The following TIAM2 variants were observed in gnomAD, a reference collection of about 807,000 sequenced individuals.
TIAM2 encodes TIAM Rac1 associated GEF 2.
A neutral mutation model predicts 152.9 loss-of-function variants in TIAM2; 80 were observed. The ratio of observed to expected loss-of-function variants is 0.52; its 90% confidence interval spans 0.44 to 0.63. The LOEUF is 0.63. TIAM2 is among the 30% of genes least tolerant of loss of function. The probability of loss-of-function intolerance (pLI) is 0.00; values close to 1 mark genes in which losing one functional copy is unlikely to be tolerated. For missense variants in TIAM2, 1,965 were observed against 2,120.1 expected (o/e 0.93, Z 1.44); for synonymous variants, 804 against 838.0 (o/e 0.96, Z 0.70).
intron 15 of TIAM2, among the ~76,000 whole-genome samples, chr6:155,228,472 T>G (rs949032658): frequency 6.6e-6 from 1 of 152,184 alleles, no homozygotes; most frequent in Non-Finnish European, 1.5e-5. Flanking sequence ...TGGCTGGGCA[T>G]GATGGCTCAT....
chr6:155,085,726 C>A (rs982636670), intron 1 of TIAM2, among the ~76,000 whole-genome samples: 5 of 152,196 alleles, frequency 3.3e-5, no homozygotes, highest in Non-Finnish European at 7.3e-5. Flanking sequence ...ATTAAAATTA[C>A]ACTGATGTCA....
intron 14 of TIAM2, among the ~76,000 whole-genome samples, chr6:155,187,870 G>A (rs1353213541): frequency 2.0e-5 from 3 of 152,090 alleles, no homozygotes. Context: ...GAGTCACTGT[G>A]CTCGGCCGCA....
chr6:155,137,281 G>A lies in TIAM2; in HGVS notation c.1299G>A (p.Gly433=). The stretch of plus-strand genomic sequence containing the variant: ...AGGCATCTGCTTTTCTGTGGTCAGG[G>A]GGCTCTACTCAGATCCTGTCTCAGA... The part of the protein sequence containing the change: ...SSQASAFLWS[G]GSTQILSQRS... The change falls in exon 5 of 27, where the codon GGG becomes GGA. Residue 433 remains glycine (G), a synonymous_variant. Transcript: ENST00000682666. 5 of 1,614,200 alleles carry A rather than the reference G, an allele frequency of 3.1e-6. No homozygotes were observed. Among genetic ancestry groups the A allele is most frequent in the Non-Finnish European group, 4.2e-6 (5 of 1,180,046 alleles).
intron 9 of TIAM2, among the ~76,000 whole-genome samples, chr6:155,166,480 T>C (rs1426692806): frequency 1.3e-5 from 2 of 152,064 alleles, no homozygotes; most frequent in African/African-American, 2.4e-5. Context: ...CACACCACCA[T>C]GCCTGGCTAA....
intron 14 of TIAM2, among the ~76,000 whole-genome samples, chr6:155,198,971 T>C (rs1258548133): frequency 2.0e-5 from 3 of 152,174 alleles, no homozygotes; most frequent in Admixed American, 6.5e-5. Context: ...GGCTCACGTC[T>C]GTGCTGCTCT....
In TIAM2 at chr6:155,104,736, A is replaced by C. The variant is rs540090203; in HGVS notation, c.-118+14357A>C. ...CGTGCCTCTGCACTCCAGCCTGGGC[A>C]ACAGAGAGAGACTCTGTCTCAAAAA... On this transcript the variant is annotated intron_variant, in intron 2 of 26. Transcript: ENST00000682666. Among the ~76,000 whole-genome samples, 8 of 149,786 alleles carry C rather than the reference A, an allele frequency of 5.3e-5. No homozygotes were observed. In the East Asian group the frequency reaches 7.8e-4, roughly 15 times the overall value.
chr6:155,148,094 C>A lies in TIAM2; in HGVS notation c.1804-16C>A, dbSNP rs527797532. ...TAAAATGATTCGAAACAGGCTTTCTCCCTCCCTGTGTGTAGGCCACCAGCC... is the reference window on the plus strand; with the variant it reads ...TAAAATGATTCGAAACAGGCTTTCTACCTCCCTGTGTGTAGGCCACCAGCC... On this transcript the variant is annotated splice_polypyrimidine_tract_variant and intron_variant, in intron 6 of 26. Transcript: ENST00000682666. The A allele has an allele frequency of 1.2e-6, 2 of 1,612,870 alleles. No homozygotes were observed. The highest frequency in any genetic ancestry group is 2.2e-5 in the South Asian group (2 of 91,014).
At chr6:155,164,722 C>T in intron 8 of TIAM2, 122 bp downstream of exon 8, 1 of 1,218,562 alleles carries the variant, frequency 8.2e-7, no homozygotes, top group Non-Finnish European at 1.1e-6. Flanking sequence ...ACCTAGAGGC[C>T]AGGTCACCCA....
At chr6:155,116,971 C>T (rs921313589) in intron 2 of TIAM2, among the ~76,000 whole-genome samples, 1 of 150,992 alleles carries the variant, frequency 6.6e-6, no homozygotes, top group African/African-American at 2.4e-5. Context: ...TTATAGAGGC[C>T]AGGATGTTGG....
intron 9 of TIAM2, among the ~76,000 whole-genome samples, chr6:155,176,497 G>T (rs1014749582): frequency 6.6e-6 from 1 of 152,238 alleles, no homozygotes; most frequent in East Asian, 1.9e-4. Flanking sequence ...GCCTCCCAAA[G>T]TGCTGGGATT....
In TIAM2 at chr6:155,150,639, C is replaced by T. The variant is rs555676492; in HGVS notation, c.2028+2305C>T. ...TAGTCTGGAACAAAATACTGTAAAG[C>T]GGGTGGCTTATAAACAAGAGCAATT... On this transcript the variant is annotated intron_variant, in intron 7 of 26. Coordinates refer to ENST00000682666, the MANE Select transcript of TIAM2 (RefSeq NM_012454.4). Among the ~76,000 whole-genome samples the T allele has an allele frequency of 4.6e-5, 7 of 152,210 alleles. No individual in the cohort carries two copies. The East Asian group carries it at 5.8e-4, about 13-fold the overall frequency.
chr6:155,257,247 C>T lies in TIAM2; in HGVS notation c.*126C>T. 9.6e-7 allele frequency: 1 copy of T among 1,046,804 alleles called. No homozygotes were observed. The highest frequency in any genetic ancestry group is 1.3e-6 in the Non-Finnish European group (1 of 742,190). The allele number at this position is 1,046,804 out of a possible 1,614,324, so 64.8% of individuals were successfully genotyped here. A position where few individuals can be genotyped will look rare whatever the true frequency, so the allele number is the denominator to read the frequency against. ...CTGGGTTTTGTGCAGTATACATTTT[C>T]CCACAAAATGGTTGTAAAGATTTAA... is the stretch of plus-strand genomic sequence containing the variant. On this transcript the variant is annotated 3_prime_UTR_variant, in exon 27 of 27. Coordinates refer to ENST00000682666, the MANE Select transcript of TIAM2 (RefSeq NM_012454.4).
chr6:155,026,757 T>C (rs1776611165), intron 1 of TIAM2, among the ~76,000 whole-genome samples: 1 of 152,102 alleles, frequency 6.6e-6, no homozygotes, highest in Non-Finnish European at 1.5e-5. Context: ...TTGATTGGAG[T>C]GGGGCTCACC....
intron 1 of TIAM2, among the ~76,000 whole-genome samples, chr6:155,045,060 T>C (rs1777140092): frequency 6.7e-6 from 1 of 148,962 alleles, no homozygotes; most frequent in East Asian, 2.0e-4. Context: ...CTTTTTTTTT[T>C]TTTTTTTTGA....
intron 14 of TIAM2, among the ~76,000 whole-genome samples, chr6:155,189,844 T>C (rs1480277505): frequency 6.6e-6 from 1 of 152,146 alleles, no homozygotes; most frequent in Non-Finnish European, 1.5e-5. Context: ...AGCATCAGCA[T>C]CAGAGGACAG....
At chr6:155,023,059 TTC>T (rs1458173200) in intron 1 of TIAM2, among the ~76,000 whole-genome samples, 1,147 of 38,172 alleles carry the variant, frequency 0.03, 16 homozygotes, top group African/African-American at 0.068. Flanking sequence ...TTTTTTTTTT[TTC>T]CCTTGGCAAG....
At chr6:155,191,679 C>T (rs1781208870) in intron 14 of TIAM2, among the ~76,000 whole-genome samples, 1 of 152,088 alleles carries the variant, frequency 6.6e-6, no homozygotes, top group South Asian at 2.1e-4. Context: ...GTAGTTCAAG[C>T]TATCACTCGG....
At chr6:155,057,531 C>A (rs1349575419) in intron 1 of TIAM2, among the ~76,000 whole-genome samples, 1 of 140,784 alleles carries the variant, frequency 7.1e-6, no homozygotes, top group African/African-American at 2.7e-5. Flanking sequence ...CTTTTTCTTT[C>A]CATAATGTAC....
chr6:155,058,785 G>A (rs762303344), intron 1 of TIAM2, among the ~76,000 whole-genome samples: 5 of 152,202 alleles, frequency 3.3e-5, no homozygotes, highest in Admixed American at 6.5e-5. Context: ...GTTTCTCAGC[G>A]GTCTCAATAG....
Sources: allele counts gnomAD v4.1 joint callset (sites outside exome capture counted in the v4.1 genomes callset), GRCh38; gene constraint gnomAD v4.1.1; transcripts MANE v1.5; gene names NCBI Gene and HGNC (gene_info 2026-07-23, HGNC 2026-07-21).